Variants in CDH9 observed in about 807,000 individuals in gnomAD.
CDH9 encodes the protein cadherin-9.
CDH9 carries 28 observed loss-of-function variants against 70.9 expected under a neutral mutation model. The ratio of observed to expected loss-of-function variants is 0.40; its 90% CI spans 0.29 to 0.54. CDH9 has a LOEUF of 0.54. Ranked by LOEUF, CDH9 falls within the 20% of genes least tolerant of loss-of-function variation. The pLI is 0.59. For synonymous variants in CDH9, 409 were observed against 343.1 expected, an observed-to-expected ratio of 1.19 and a Z score of -2.12; for missense variants, 874 against 984.4, an observed-to-expected ratio of 0.89 and a Z score of 1.50.
chr5:26,994,026 A>C (rs1742625952), intron 1 of CDH9, among the ~76,000 whole-genome samples: 2 of 152,186 alleles, frequency 1.3e-5, no homozygotes, highest in South Asian at 4.1e-4. Context: ...TGGACCTGTC[A>C]TCCTTTCCTT....
intron 1 of CDH9, among the ~76,000 whole-genome samples, chr5:27,000,766 A>T (rs1159128204): frequency 1.3e-5 from 2 of 152,162 alleles, no homozygotes; most frequent in African/African-American, 2.4e-5. Flanking sequence ...CTATAATTGA[A>T]CATTACTCAG....
intron 9 of CDH9, among the ~76,000 whole-genome samples, chr5:26,886,415 A>G (rs1478743264): frequency 6.6e-6 from 1 of 152,130 alleles, no homozygotes; most frequent in Non-Finnish European, 1.5e-5. Flanking sequence ...GGCACAGTCC[A>G]TTGTATTATT....
intron 2 of CDH9, among the ~76,000 whole-genome samples, chr5:26,942,007 C>A (rs900334144): frequency 2.0e-5 from 3 of 152,084 alleles, no homozygotes; most frequent in African/African-American, 7.2e-5. Flanking sequence ...ACCAGTTCCC[C>A]TCCTGTGATA....
intron 2 of CDH9, among the ~76,000 whole-genome samples, chr5:26,962,656 A>G (rs971643262): frequency 6.6e-6 from 1 of 152,028 alleles, no homozygotes; most frequent in Non-Finnish European, 1.5e-5. Context: ...TTTTACTAAC[A>G]ACCTGAAGTT....
chr5:26,934,169 A>G (rs1233391685), intron 2 of CDH9, among the ~76,000 whole-genome samples: 1 of 152,096 alleles, frequency 6.6e-6, no homozygotes, highest in Non-Finnish European at 1.5e-5. Context: ...GATGGAACTG[A>G]GAGTAAGAGC....
intron 7 of CDH9, among the ~76,000 whole-genome samples, chr5:26,896,386 T>A (rs1405971099): frequency 6.6e-6 from 1 of 151,780 alleles, no homozygotes; most frequent in African/African-American, 2.4e-5. Flanking sequence ...ACCAAGTATA[T>A]GTGTGTATGT....
Position 26,915,878 on chromosome 5 carries a change from A to C in CDH9, c.275T>G (p.Leu92Arg). Residue 92 changes from leucine (L) to arginine (R), a missense_variant, in exon 3 of 12, where the codon CTA becomes CGA. Leu to Arg is a moderately radical substitution (Grantham distance 102, BLOSUM62 -2). Transcript: ENST00000231021. ...TAGACTGCCAGCCCCATCTCCTGTT[A>C]GTATGTATTTTAAATTTCCATCTCC... ...DKGDGNLKYI[L>R]TGDGAGSLFV... 6.2e-7 allele frequency: 1 copy of C among 1,612,008 alleles called. No individual in the cohort carries two copies. Among genetic ancestry groups the C allele is most frequent in the Non-Finnish European group, 8.5e-7 (1 of 1,178,394 alleles).
chr5:26,981,557 C>T (rs1000305286), intron 2 of CDH9, among the ~76,000 whole-genome samples: 1 of 151,922 alleles, frequency 6.6e-6, no homozygotes, highest in African/African-American at 2.4e-5. Flanking sequence ...CTAAAAATAT[C>T]AGCTAAAATA....
chr5:26,916,977 G>A (rs1425998809), intron 2 of CDH9, among the ~76,000 whole-genome samples: 1 of 151,838 alleles, frequency 6.6e-6, no homozygotes, highest in African/African-American at 2.4e-5. Context: ...ATTGATAAAT[G>A]TCCATCTGTA....
intron 1 of CDH9, among the ~76,000 whole-genome samples, chr5:27,026,654 G>T (rs1166846792): frequency 6.6e-6 from 1 of 151,864 alleles, no homozygotes; most frequent in Non-Finnish European, 1.5e-5. Context: ...ATGATGCATA[G>T]TAAAGTTTGA....
At chr5:26,889,298 T>C (rs1740616609) in intron 9 of CDH9, among the ~76,000 whole-genome samples, 1 of 152,146 alleles carries the variant, frequency 6.6e-6, no homozygotes, top group Non-Finnish European at 1.5e-5. Context: ...AAAGAATTAC[T>C]TTGTAAGAAG....
intron 2 of CDH9, among the ~76,000 whole-genome samples, chr5:26,964,731 A>G (rs966178297): frequency 6.6e-6 from 1 of 151,954 alleles, no homozygotes; most frequent in South Asian, 2.1e-4. Flanking sequence ...TGCTGCACCC[A>G]TCAACTCTTC....
At chr5:26,944,414 G>T (rs531399201) in intron 2 of CDH9, among the ~76,000 whole-genome samples, 19 of 152,254 alleles carry the variant, frequency 1.2e-4, no homozygotes, top group East Asian at 1.9e-4. Context: ...ACTTTGGGAG[G>T]CTGGGGCAAG....
intron 1 of CDH9, among the ~76,000 whole-genome samples, chr5:27,001,657 AG>A (rs1174523137): frequency 1.3e-5 from 2 of 152,164 alleles, no homozygotes; most frequent in African/African-American, 4.8e-5. Context: ...ATAGCCTAAA[AG>A]CAATGTCATC....
rs756945731 is a variant in CDH9 at position 26,988,377 on chromosome 5, T to A, written c.-44A>T. 1.3e-6 allele frequency: 2 copies of A among 1,593,008 alleles called. No individual in the cohort carries two copies. Among genetic ancestry groups the A allele is most frequent in the Admixed American group, 1.7e-5 (1 of 59,072 alleles). Reference sequence around the variant, plus strand: ...GTTGTCAAATTCAATGTATTGTTTGTTTTTCCTAAAGAGTAAGGAGAAAAA... The same window carrying A: ...GTTGTCAAATTCAATGTATTGTTTGATTTTCCTAAAGAGTAAGGAGAAAAA... On this transcript the variant is annotated 5_prime_UTR_variant, in exon 2 of 12. Coordinates refer to ENST00000231021, the MANE Select transcript of CDH9 (RefSeq NM_016279.4).
chr5:26,944,515 T>C (rs1164219692), intron 2 of CDH9, among the ~76,000 whole-genome samples: 1 of 151,990 alleles, frequency 6.6e-6, no homozygotes, highest in African/African-American at 2.4e-5. Flanking sequence ...TAGCTGGGCA[T>C]AGTGGCACAT....
intron 2 of CDH9, among the ~76,000 whole-genome samples, chr5:26,985,779 TCTAC>T (rs1363599804): frequency 6.6e-6 from 1 of 152,082 alleles, no homozygotes; most frequent in African/African-American, 2.4e-5. Context: ...TAGGTTGAGG[TCTAC>T]CCAGGGAGAC....
intron 2 of CDH9, among the ~76,000 whole-genome samples, chr5:26,983,948 C>G (rs898062176): frequency 1.3e-5 from 2 of 152,074 alleles, no homozygotes; most frequent in Non-Finnish European, 2.9e-5. Context: ...AGTGCACAAA[C>G]TAGCATATGT....
intron 7 of CDH9, among the ~76,000 whole-genome samples, chr5:26,891,452 T>C (rs1740658356): frequency 1.3e-5 from 2 of 151,798 alleles, no homozygotes; most frequent in African/African-American, 4.8e-5. Context: ...CCGAGGTGAG[T>C]GGATCATCTG....
Sources: gnomAD v4.1 joint callset for allele counts (sites outside exome capture counted in the v4.1 genomes callset) on GRCh38, gnomAD v4.1.1 for gene constraint, MANE v1.5 for transcripts, NCBI Gene and HGNC (gene_info 2026-07-23, HGNC 2026-07-21) for gene names.